ZIM2: variants seen among roughly 807,000 people sequenced by gnomAD.
ZIM2 encodes the protein zinc finger imprinted 2.
ZIM2 carries 14 observed loss-of-function variants against 38.6 expected under a neutral mutation model. The ratio of observed to expected loss-of-function variants is 0.36; its 90% CI spans 0.24 to 0.57. ZIM2 has a LOEUF of 0.57. ZIM2 is among the 20% of genes least tolerant of loss of function. The pLI is 0.81. For synonymous variants in ZIM2, 247 were observed against 245.8 expected (o/e 1.00, Z -0.04); for missense variants, 680 against 695.1 (o/e 0.98, Z 0.24).
intron 9 of ZIM2, chr19:56,816,965 T>G (rs1231298097): frequency 6.2e-7 from 1 of 1,614,192 alleles, no homozygotes; most frequent in Admixed American, 1.7e-5. Context: ...TGAACTTCAC[T>G]GACAGCCACA....
chr19:56,821,578 T>C (rs1385527548), intron 7 of ZIM2, 73 bp downstream of exon 7: 3 of 1,575,458 alleles, frequency 1.9e-6, no homozygotes, highest in South Asian at 2.2e-5. Flanking sequence ...AAACACACCA[T>C]CTGGGGAAAG....
chr19:56,814,963 T>C lies in ZIM2; in HGVS notation c.490+2783A>G. On this transcript the variant is annotated intron_variant, in intron 9 of 12. Coordinates refer to ENST00000629319, the MANE Select transcript of ZIM2 (RefSeq NM_001387356.1). This position sits in a 1 kb window ranked among gnomAD's most constrained non-coding sequence, Gnocchi z 5.8. ...ACACTTTGGACATTCATACAGCTGC[T>C]CTCCAGTGTAATCTCTCTGATACTC... 6.2e-7 allele frequency: 1 copy of C among 1,614,120 alleles called. No homozygotes were observed. Among genetic ancestry groups the C allele is most frequent in the Non-Finnish European group, 8.5e-7 (1 of 1,179,974 alleles).
Position 56,822,772 on chromosome 19 carries a change from G to A in ZIM2, c.171C>T (p.His57=). The part of the protein sequence containing the change: ...RDMEPRDRWS[H]TRNPRSRMPP... ...ACTCACTGCTTCTTGGGTTCCTGGT[G>A]TGGGACCAGCGGTCTCGTGGCTCCA... Residue 57 remains histidine (H), a synonymous_variant, in exon 6 of 13, where the codon CAC becomes CAT. Coordinates refer to ENST00000629319, the MANE Select transcript of ZIM2 (RefSeq NM_001387356.1). 3 of 1,614,148 alleles carry A rather than the reference G, an allele frequency of 1.9e-6. No homozygotes were observed. The highest frequency in any genetic ancestry group is 2.5e-6 in the Non-Finnish European group (3 of 1,180,030).
At chr19:56,779,318 T>G in intron 12 of ZIM2, 59 bp downstream of exon 12, 3 of 1,582,402 alleles carry the variant, frequency 1.9e-6, no homozygotes, top group Non-Finnish European at 2.6e-6. Context: ...AGGAAAGCTC[T>G]CTGACTAGCA....
chr19:56,784,553 C>A (rs1025672979), intron 10 of ZIM2, among the ~76,000 whole-genome samples: 11 of 152,162 alleles, frequency 7.2e-5, no homozygotes, highest in African/African-American at 2.7e-4. Context: ...AGACTGCTAT[C>A]TTACTGTTCC....
At chr19:56,831,175 C>G (rs1489407909) in intron 2 of ZIM2, among the ~76,000 whole-genome samples, 1 of 151,956 alleles carries the variant, frequency 6.6e-6, no homozygotes, top group South Asian at 2.1e-4. Flanking sequence ...GACTCCAACA[C>G]ACAAAAATAA....
At chr19:56,815,156 C>G in intron 9 of ZIM2, 1 of 1,614,000 alleles carries the variant, frequency 6.2e-7, no homozygotes, top group South Asian at 1.1e-5. Flanking sequence ...TTCTGAGGGT[C>G]TTCCATGTCT....
chr19:56,794,946 T>C (rs555804428), intron 9 of ZIM2, among the ~76,000 whole-genome samples: 1 of 152,382 alleles, frequency 6.6e-6, no homozygotes, highest in East Asian at 1.9e-4. Flanking sequence ...ATTTTACATT[T>C]CTTTTGATTA....
chr19:56,808,504 T>A (rs1162384387), intron 9 of ZIM2, among the ~76,000 whole-genome samples: 1 of 152,168 alleles, frequency 6.6e-6, no homozygotes. Flanking sequence ...CTGCCCTTTC[T>A]GTGGTTAAAA....
Position 56,821,693 on chromosome 19 carries a change from T to C in ZIM2, c.252A>G (p.Arg84=). The change falls in exon 7 of 13, where the codon AGA becomes AGG. Residue 84 remains arginine (R), a synonymous_variant. Transcript: ENST00000629319. ...AAGCCCTGGAGTCCCTGTCGTCCTC[T>C]CTGTCCATTTCAAAGCTTGTTTTCG... ...VVAKTSFEMD[R]EDDRDSRAYE... is the part of the protein sequence containing the mutation. The C allele has an allele frequency of 6.2e-7, 1 of 1,613,946 alleles. No individual in the cohort carries two copies. The highest frequency in any genetic ancestry group is 8.5e-7 in the Non-Finnish European group (1 of 1,180,016).
intron 9 of ZIM2, chr19:56,817,450 G>C (rs761156701): frequency 2.5e-6 from 4 of 1,613,214 alleles, no homozygotes; most frequent in African/African-American, 1.3e-5. Flanking sequence ...TGACTCCCTT[G>C]CTCTTCCCGA....
intron 1 of ZIM2, among the ~76,000 whole-genome samples, chr19:56,836,955 G>C (rs1041363150): frequency 7.7e-6 from 1 of 130,086 alleles, no homozygotes; most frequent in African/African-American, 3.0e-5. Flanking sequence ...GGGTGAGAGG[G>C]CCAGACTCTG....
chr19:56,834,300 G>A (rs538394879), intron 2 of ZIM2, among the ~76,000 whole-genome samples: 6 of 152,214 alleles, frequency 3.9e-5, no homozygotes, highest in Middle Eastern at 3.4e-3. Context: ...AGGGGCTTCC[G>A]ATATCTTGGT....
rs758509473 is a variant in ZIM2, at chr19:56,836,062, C to T, written c.-271G>A. The T allele has an allele frequency of 7.9e-6, 4 of 506,450 alleles. No individual in the cohort carries two copies. Among genetic ancestry groups the T allele is most frequent in the Admixed American group, 6.0e-5 (3 of 49,884 alleles). 31.4% of individuals were successfully genotyped at this position (506,450 alleles called of 1,614,324 possible). ...GTTTGGACCTAGTCCCTCTTCCTCTCGCCAGTCGTCTCCAAGAAGGACGGA... is the reference window on the plus strand; with the variant it reads ...GTTTGGACCTAGTCCCTCTTCCTCTTGCCAGTCGTCTCCAAGAAGGACGGA... On this transcript the variant is annotated 5_prime_UTR_variant, in exon 2 of 13. Transcript: ENST00000629319.
chr19:56,827,948 G>A (rs2061211540), intron 2 of ZIM2, among the ~76,000 whole-genome samples: 1 of 152,200 alleles, frequency 6.6e-6, no homozygotes, highest in Admixed American at 6.5e-5. Context: ...CTAGGGGTCA[G>A]GAAAGGGAGG....
At chr19:56,790,590 C>T (rs1013760742) in intron 9 of ZIM2, among the ~76,000 whole-genome samples, 4 of 152,106 alleles carry the variant, frequency 2.6e-5, no homozygotes, top group African/African-American at 9.7e-5. Context: ...TCATGTAGAC[C>T]TTATTTTACT....
chr19:56,815,473 ATCT>A (rs746076413), intron 9 of ZIM2: 2 of 1,614,054 alleles, frequency 1.2e-6, no homozygotes, highest in East Asian at 4.5e-5. Context: ...CCTATCATGA[ATCT>A]TCTGGTGCTC....
intron 2 of ZIM2, among the ~76,000 whole-genome samples, chr19:56,828,104 T>C (rs1251709521): frequency 6.6e-6 from 1 of 152,090 alleles, no homozygotes; most frequent in African/African-American, 2.4e-5. Context: ...CCTTTAGAGG[T>C]TGTGCTACTC....
chr19:56,810,681 T>C, intron 9 of ZIM2: 1 of 972,652 alleles, frequency 1.0e-6, no homozygotes, highest in Non-Finnish European at 1.2e-6. Context: ...GACAACACTA[T>C]TTTAGTTATT....
Sources: allele counts gnomAD v4.1 joint callset (sites outside exome capture counted in the v4.1 genomes callset), GRCh38; gene constraint gnomAD v4.1.1; non-coding constraint Gnocchi (gnomAD v3.1); transcripts MANE v1.5; gene names NCBI Gene and HGNC (gene_info 2026-07-23, HGNC 2026-07-21).